The following CSMD3 variants were observed in gnomAD, a reference collection of about 807,000 sequenced individuals.
CSMD3 encodes CUB and Sushi multiple domains 3, also known as CUB and sushi domain-containing protein 3.
Under a neutral mutation model 435.2 loss-of-function variants are expected in CSMD3, and 177 were observed. The ratio of observed to expected loss-of-function variants is 0.41; its 90% CI spans 0.36 to 0.46. The LOEUF is 0.46. Ranked by LOEUF, CSMD3 falls within the 20% of genes least tolerant of loss-of-function variation. The pLI is 0.34. For missense variants in CSMD3, 4,265 were observed against 4,504.6 expected (o/e 0.95, Z 1.52); for synonymous variants, 1,656 against 1,520.5 (o/e 1.09, Z -2.07).
At chr8:113,120,138 G>A (rs545782104) in intron 4 of CSMD3, among the ~76,000 whole-genome samples, 38 of 151,998 alleles carry the variant, frequency 2.5e-4, no homozygotes, top group African/African-American at 8.7e-4. Flanking sequence ...TAAGAAATGA[G>A]GTTATAATGA....
chr8:112,588,492 G>C (rs929454027), intron 22 of CSMD3, among the ~76,000 whole-genome samples: 4 of 151,198 alleles, frequency 2.6e-5, no homozygotes, highest in African/African-American at 7.3e-5. Context: ...TTCCAATATT[G>C]ATTTAAATTA....
chr8:113,122,987 CCCATG>C (rs888368154), intron 4 of CSMD3, among the ~76,000 whole-genome samples: 4 of 151,194 alleles, frequency 2.6e-5, no homozygotes, highest in Admixed American at 2.6e-4. Flanking sequence ...CATTGGCCCA[CCCATG>C]GGCTTACACA....
At position 112,526,894 on chromosome 8, in the gene CSMD3, T is replaced by A. The variant is rs558622527; in HGVS notation, c.4565-9669A>T. Among the ~76,000 whole-genome samples the A allele has an allele frequency of 2.5e-3, 382 of 152,060 alleles. 3 individuals are homozygous for A. Among genetic ancestry groups the A allele is most frequent in the African/African-American group, 8.9e-3 (370 of 41,554 alleles). On this transcript the variant is annotated intron_variant, in intron 27 of 70. Transcript: ENST00000297405. ...TGTGAGGTGGTATAATATTATTTAA[T>A]GATAGGTTTGTCTATTTGACATAAT...
At position 112,696,287 on chromosome 8, in the gene CSMD3, A is replaced by T. The variant is rs184551799; in HGVS notation, c.1973-6237T>A. Among the ~76,000 whole-genome samples, 1,104 of 152,288 alleles carry T rather than the reference A, an allele frequency of 7.2e-3. 5 individuals carry two copies. Among genetic ancestry groups the T allele is most frequent in the Middle Eastern group, 0.031 (9 of 294 alleles). On this transcript the variant is annotated intron_variant, in intron 13 of 70. Coordinates refer to ENST00000297405, the MANE Select transcript of CSMD3 (RefSeq NM_198123.2). ...GCCAATACAATCCTAAGCCAAAAGA[A>T]CAAAGCTGGAGGCATCATGCTACCT...
intron 45 of CSMD3, among the ~76,000 whole-genome samples, chr8:112,327,327 T>C (rs988650203): frequency 1.3e-5 from 2 of 152,146 alleles, no homozygotes; most frequent in African/African-American, 4.8e-5. Flanking sequence ...GTTAGGATCA[T>C]AGACAAACTG....
At chr8:113,056,448 C>G (rs1031295412) in intron 5 of CSMD3, among the ~76,000 whole-genome samples, 1 of 152,200 alleles carries the variant, frequency 6.6e-6, no homozygotes, top group Admixed American at 6.5e-5. Flanking sequence ...AAATTATCTA[C>G]TTAACATTTT....
At position 112,282,959 on chromosome 8, in the gene CSMD3, TGA is replaced by T. The variant is rs199969964; in HGVS notation, c.9332-1611_9332-1610del. ...GTCAACAGACATAATCTAATAAAAA[TGA>T]GAGTTACTATTTTTTTAGATTCATT... On this transcript the variant is annotated intron_variant, in intron 58 of 70. Coordinates refer to ENST00000297405, the MANE Select transcript of CSMD3 (RefSeq NM_198123.2). 2.8e-3 allele frequency among the ~76,000 whole-genome samples: 425 copies of T among 152,158 alleles called. 6 individuals carry two copies. The highest frequency in any genetic ancestry group is 0.026 in the East Asian group (132 of 5,168).
At chr8:112,908,156 AG>A (rs978077233) in intron 10 of CSMD3, among the ~76,000 whole-genome samples, 3 of 151,526 alleles carry the variant, frequency 2.0e-5, no homozygotes, top group Non-Finnish European at 4.4e-5. Flanking sequence ...ATAGAACTTT[AG>A]GAAATACTAG....
intron 1 of CSMD3, among the ~76,000 whole-genome samples, chr8:113,370,404 G>A (rs539100131): frequency 1.3e-5 from 2 of 150,578 alleles, no homozygotes; most frequent in Non-Finnish European, 3.0e-5. Flanking sequence ...TTGTCAAATT[G>A]TGATTAGGTT....
chr8:113,434,857 C>A (rs945917384), intron 1 of CSMD3, among the ~76,000 whole-genome samples: 1 of 152,200 alleles, frequency 6.6e-6, no homozygotes, highest in Non-Finnish European at 1.5e-5. Context: ...GTAATGCTCG[C>A]CCCGCTTCGG....
At chr8:113,084,622 CAAAA>C (rs35078367) in intron 5 of CSMD3, among the ~76,000 whole-genome samples, 45 of 117,826 alleles carry the variant, frequency 3.8e-4, no homozygotes, top group South Asian at 2.8e-4. Context: ...TGAATGGAAC[CAAAA>C]AAAAAAAAAA....
chr8:112,377,902 TA>T (rs963695616), intron 38 of CSMD3, among the ~76,000 whole-genome samples: 9 of 151,862 alleles, frequency 5.9e-5, no homozygotes, highest in African/African-American at 2.2e-4. Flanking sequence ...TACTCAATGG[TA>T]AAAAACAAAA....
At chr8:113,318,631 T>C (rs2093927409) in intron 1 of CSMD3, among the ~76,000 whole-genome samples, 1 of 152,058 alleles carries the variant, frequency 6.6e-6, no homozygotes, top group Non-Finnish European at 1.5e-5. Context: ...TATGCGTGTG[T>C]ACTTAAGCTT....
chr8:113,407,009 G>A (rs191517996), intron 1 of CSMD3, among the ~76,000 whole-genome samples: 1 of 152,066 alleles, frequency 6.6e-6, no homozygotes, highest in East Asian at 1.9e-4. Flanking sequence ...GTATACAGTA[G>A]GACACATGTT....
chr8:113,272,812 T>C (rs2093539742), intron 3 of CSMD3, among the ~76,000 whole-genome samples: 1 of 152,034 alleles, frequency 6.6e-6, no homozygotes, highest in African/African-American at 2.4e-5. Flanking sequence ...GTAAAACATA[T>C]TGAAGTAGAG....
At chr8:112,428,628 C>T (rs1813333361) in intron 32 of CSMD3, among the ~76,000 whole-genome samples, 1 of 152,082 alleles carries the variant, frequency 6.6e-6, no homozygotes, top group Non-Finnish European at 1.5e-5. Context: ...CAAATACTTA[C>T]CACCCTGTAT....
At chr8:112,736,329 G>A (rs2077184230) in intron 13 of CSMD3, among the ~76,000 whole-genome samples, 1 of 151,982 alleles carries the variant, frequency 6.6e-6, no homozygotes, top group South Asian at 2.1e-4. Flanking sequence ...TGGTAACTCA[G>A]CTAAAATCCC....
At chr8:112,309,936 ATAAG>A (rs1358741791) in intron 50 of CSMD3, among the ~76,000 whole-genome samples, 2 of 152,200 alleles carry the variant, frequency 1.3e-5, no homozygotes, top group Admixed American at 6.5e-5. Flanking sequence ...AAAATAGGTA[ATAAG>A]TAAGACTTCT....
chr8:113,096,248 A>C (rs2090159281), intron 5 of CSMD3, among the ~76,000 whole-genome samples: 1 of 152,060 alleles, frequency 6.6e-6, no homozygotes, highest in South Asian at 2.1e-4. Context: ...ATCCCTCCAA[A>C]AATGTTTCAT....
Sources: allele counts gnomAD v4.1 joint callset (sites outside exome capture counted in the v4.1 genomes callset), GRCh38; gene constraint gnomAD v4.1.1; transcripts MANE v1.5; gene names NCBI Gene and HGNC (gene_info 2026-07-23, HGNC 2026-07-21).